Variants in IFI16 observed in about 807,000 individuals in gnomAD.
IFI16 encodes the protein interferon gamma inducible protein 16, also known as gamma-interferon-inducible protein 16.
In IFI16, 49 loss-of-function variants were observed where a neutral mutation model predicts 68.4. The ratio of observed to expected loss-of-function variants is 0.72; its 90% CI spans 0.57 to 0.91. The LOEUF (loss-of-function observed/expected upper bound fraction) is 0.91, where lower values mean the gene tolerates loss of function less well. IFI16 is among the 40% of genes least tolerant of loss of function. IFI16 has a pLI of 0.00. For synonymous variants in IFI16, 307 were observed against 315.0 expected (o/e 0.97, Z 0.27); for missense variants, 878 against 942.9 (o/e 0.93, Z 0.90).
upstream of IFI16, among the ~76,000 whole-genome samples, chr1:159,001,722 C>T (rs1041974472): frequency 6.6e-6 from 1 of 152,182 alleles, no homozygotes; most frequent in Non-Finnish European, 1.5e-5. Flanking sequence ...TACGTGCTAA[C>T]ATTCACATAT....
chr1:159,021,262 C>T (rs978695519), intron 6 of IFI16, among the ~76,000 whole-genome samples: 1 of 152,146 alleles, frequency 6.6e-6, no homozygotes, highest in Non-Finnish European at 1.5e-5. Context: ...CCCACTCTTT[C>T]CCCTGAGTCC....
intron 1 of IFI16, among the ~76,000 whole-genome samples, chr1:159,000,657 A>G (rs921790431): frequency 3.9e-5 from 6 of 152,176 alleles, no homozygotes; most frequent in Non-Finnish European, 5.9e-5. Context: ...ATTTTTTGAC[A>G]TGTATACAGT....
Position 159,016,590 on chromosome 1 carries a change from G to T in IFI16, c.439G>T (p.Glu147Ter). 6.2e-7 allele frequency: 1 copy of T among 1,614,116 alleles called. No homozygotes were observed. Among genetic ancestry groups the T allele is most frequent in the Non-Finnish European group, 8.5e-7 (1 of 1,179,996 alleles). Residue 147 changes from glutamate to a stop codon, truncating the protein, a stop_gained, in exon 4 of 12, where the codon GAA becomes TAA. Coordinates refer to ENST00000295809, the MANE Select transcript of IFI16 (RefSeq NM_001376587.1). LOFTEE classifies it high-confidence loss of function. The stretch of plus-strand genomic sequence containing the variant: ...ACCCAAAGGGAGTAAGGTGTCCGAG[G>T]AACAGACTCAGCCTCCCTCTCCTGC... ...AGPKGSKVSEEQTQPPSPAGA... is the reference protein window; with the variant it reads ...AGPKGSKVSE
At chr1:159,045,836 A>G (rs1026526890) in intron 8 of IFI16, among the ~76,000 whole-genome samples, 7 of 151,248 alleles carry the variant, frequency 4.6e-5, no homozygotes, top group Non-Finnish European at 7.4e-5. Context: ...CTCAAATAAT[A>G]CCATCTTTAA....
At chr1:159,035,895 T>C in intron 7 of IFI16, among the ~76,000 whole-genome samples, 1 of 152,198 alleles carries the variant, frequency 6.6e-6, no homozygotes, top group East Asian at 1.9e-4. Context: ...AAAGATTACA[T>C]TTCTCTCATC....
At chr1:159,030,607 G>A (rs1379088076) in intron 6 of IFI16, among the ~76,000 whole-genome samples, 1 of 152,148 alleles carries the variant, frequency 6.6e-6, no homozygotes, top group African/African-American at 2.4e-5. Context: ...CTGGTACTGG[G>A]TAGTGTCTGC....
chr1:159,035,573 C>T (rs1258337275), intron 7 of IFI16, among the ~76,000 whole-genome samples: 1 of 152,136 alleles, frequency 6.6e-6, no homozygotes, highest in African/African-American at 2.4e-5. Context: ...CACTACGCAG[C>T]CATTTATTCT....
intron 9 of IFI16, among the ~76,000 whole-genome samples, chr1:159,050,994 A>G (rs959017674): frequency 2.0e-5 from 3 of 152,114 alleles, no homozygotes; most frequent in African/African-American, 7.2e-5. Flanking sequence ...CATGAAATCT[A>G]AGGTTTGTGG....
intron 7 of IFI16, among the ~76,000 whole-genome samples, chr1:159,039,985 T>C (rs984673689): frequency 1.2e-4 from 18 of 152,136 alleles, no homozygotes; most frequent in African/African-American, 4.1e-4. Context: ...GAAAACCAAT[T>C]TGGTGCTATC....
At position 159,028,006 on chromosome 1, in the gene IFI16, A is replaced by G. The variant is rs561270590; in HGVS notation, c.1162-4518A>G. 1.6e-3 allele frequency among the ~76,000 whole-genome samples: 249 copies of G among 152,076 alleles called. 1 individual carries two copies. Among genetic ancestry groups the G allele is most frequent in the African/African-American group, 5.8e-3 (241 of 41,486 alleles). On this transcript the variant is annotated intron_variant, in intron 6 of 11. Coordinates refer to ENST00000295809, the MANE Select transcript of IFI16 (RefSeq NM_001376587.1). ...TTTGTGTTGTTCTTTGTCTGTCACA[A>G]TTTCATTTAGTTCTGCTTTGATCTT...
chr1:159,016,933 T>TA (rs2101817633), intron 4 of IFI16, among the ~76,000 whole-genome samples: 1 of 152,316 alleles, frequency 6.6e-6, no homozygotes, highest in Non-Finnish European at 1.5e-5. Context: ...GAGAGAGAGC[T>TA]ATGCAGTACA....
In IFI16 at chr1:159,051,757, G is replaced by A; in HGVS notation, c.1744G>A (p.Val582Met). Residue 582 changes from valine (V) to methionine (M), a missense_variant, in exon 10 of 12, where the codon GTG becomes ATG. Transcript: ENST00000295809. ...SAQSDLKEVM[V>M]LNATESFVYE... ...CCAGAGTGACCTCAAAGAAGTGATG[G>A]TGCTGAACGCAACAGAATCATTTGT... 1 of 1,614,006 alleles carries A rather than the reference G, an allele frequency of 6.2e-7. No homozygotes were observed. Among genetic ancestry groups the A allele is most frequent in the Non-Finnish European group, 8.5e-7 (1 of 1,179,866 alleles).
rs530875162 is a variant in IFI16 at position 159,047,153 on chromosome 1, T to C, written c.1497+1689T>C. On this transcript the variant is annotated intron_variant, in intron 8 of 11. Coordinates refer to ENST00000295809, the MANE Select transcript of IFI16 (RefSeq NM_001376587.1). The stretch of plus-strand genomic sequence containing the variant: ...GATTTACATTACTATTCTCCAATGT[T>C]GTTTCTCACCCAAGCCCCAAGCTAC... Among the ~76,000 whole-genome samples, 28 of 151,256 alleles carry C rather than the reference T, an allele frequency of 1.9e-4. 2 individuals are homozygous for C. Among genetic ancestry groups the C allele is most frequent in the East Asian group, 3.9e-4 (2 of 5,176 alleles).
intron 10 of IFI16, chr1:159,052,607 C>G (rs1483486413): frequency 6.5e-6 from 1 of 153,144 alleles, no homozygotes; most frequent in Non-Finnish European, 1.5e-5. Context: ...CATTTGGACT[C>G]CAAAGTTTCT....
upstream of IFI16, among the ~76,000 whole-genome samples, chr1:159,002,918 A>T (rs1652113155): frequency 6.6e-6 from 1 of 152,240 alleles, no homozygotes; most frequent in South Asian, 2.1e-4. Context: ...AAATGTCCTC[A>T]CTGCACATTC....
chr1:159,000,165 G>A (rs1223078482), exon 1 of IFI16: 1 of 198,082 alleles, frequency 5.0e-6, no homozygotes, highest in East Asian at 1.2e-4. Context: ...TTTAAATCAA[G>A]TTGGCTACTC....
At chr1:159,001,206 C>T (rs546416505), upstream of IFI16, among the ~76,000 whole-genome samples, 1 of 152,162 alleles carries the variant, frequency 6.6e-6, no homozygotes, top group Non-Finnish European at 1.5e-5. Context: ...TGAATAACCA[C>T]GTTACTCAAA....
intron 7 of IFI16, among the ~76,000 whole-genome samples, chr1:159,041,031 G>C (rs927178299): frequency 6.6e-6 from 1 of 152,166 alleles, no homozygotes; most frequent in African/African-American, 2.4e-5. Context: ...GGAGGTCCAC[G>C]AGAGTGGCCA....
chr1:159,048,592 A>C lies in IFI16; in HGVS notation c.1498-840A>C, dbSNP rs900286123. On this transcript the variant is annotated intron_variant, in intron 8 of 11. Coordinates refer to ENST00000295809, the MANE Select transcript of IFI16 (RefSeq NM_001376587.1). ...TGGTCAGAGACTGTTCTAATCAAGA[A>C]GCTGTTCTCCATGTGAGCTCACTAC... Among the ~76,000 whole-genome samples, 55 of 151,376 alleles carry C rather than the reference A, an allele frequency of 3.6e-4. 3 individuals carry two copies. Among genetic ancestry groups the C allele is most frequent in the Non-Finnish European group, 1.5e-5 (1 of 67,680 alleles).
Sources: gnomAD v4.1 joint callset for allele counts (sites outside exome capture counted in the v4.1 genomes callset) on GRCh38, gnomAD v4.1.1 for gene constraint, MANE v1.5 for transcripts, NCBI Gene and HGNC (gene_info 2026-07-23, HGNC 2026-07-21) for gene names.